The following BMERB1 variants were observed in gnomAD, a reference collection of about 807,000 sequenced individuals.
The protein encoded by BMERB1 is bMERB domain-containing protein 1.
A neutral mutation model predicts 23.6 loss-of-function variants in BMERB1; 12 were observed. The ratio of observed to expected loss-of-function variants is 0.51; its 90% CI spans 0.33 to 0.82. The LOEUF (loss-of-function observed/expected upper bound fraction) is 0.82, where lower values mean the gene tolerates loss of function less well. BMERB1 is among the 40% of genes least tolerant of loss of function. BMERB1 has a pLI of 0.03. For synonymous variants in BMERB1, 122 were observed against 96.6 expected, an observed-to-expected ratio of 1.26 and a Z score of -1.54; for missense variants, 247 against 255.4, an observed-to-expected ratio of 0.97 and a Z score of 0.22.
chr16:15,496,653 C>T (rs1567469248), intron 1 of BMERB1, among the ~76,000 whole-genome samples: 1 of 152,080 alleles, frequency 6.6e-6, no homozygotes, highest in Non-Finnish European at 1.5e-5. Flanking sequence ...ATTCTCCTGC[C>T]TCAGCCTCCC....
chr16:15,444,394 G>A (rs749083115), intron 1 of BMERB1, among the ~76,000 whole-genome samples: 27 of 151,942 alleles, frequency 1.8e-4, no homozygotes, highest in Non-Finnish European at 2.6e-4. Context: ...TAAGAATTCC[G>A]TCCTACTGTG....
At chr16:15,532,664 G>A (rs979347033) in intron 2 of BMERB1, among the ~76,000 whole-genome samples, 1 of 148,812 alleles carries the variant, frequency 6.7e-6, no homozygotes, top group East Asian at 2.0e-4. Flanking sequence ...GCCTGCCTCA[G>A]CCTCCCAAGT....
intron 1 of BMERB1, chr16:15,502,197 G>A (rs972523844): frequency 1.2e-5 from 15 of 1,217,868 alleles, no homozygotes; most frequent in South Asian, 5.4e-5. Flanking sequence ...CCTTTGACAC[G>A]TCAGATGTGG....
chr16:15,464,083 C>G (rs1470217002), intron 1 of BMERB1, among the ~76,000 whole-genome samples: 1 of 151,942 alleles, frequency 6.6e-6, no homozygotes, highest in Non-Finnish European at 1.5e-5. Context: ...GAGGCCGAGG[C>G]GGGCAGATCA....
intron 2 of BMERB1, among the ~76,000 whole-genome samples, chr16:15,529,278 G>A (rs1315143844): frequency 1.3e-5 from 2 of 152,020 alleles, no homozygotes; most frequent in African/African-American, 4.8e-5. Context: ...CGCCTGCCTC[G>A]GCCTCCCAAC....
At chr16:15,446,811 G>C (rs1488412852) in intron 1 of BMERB1, among the ~76,000 whole-genome samples, 3 of 152,136 alleles carry the variant, frequency 2.0e-5, no homozygotes, top group Non-Finnish European at 4.4e-5. Context: ...GTAAGCTTGA[G>C]GACTACATCT....
chr16:15,587,444 A>T lies in BMERB1; in HGVS notation c.*615A>T. On this transcript the variant is annotated 3_prime_UTR_variant, in exon 6 of 6. Transcript: ENST00000300006. ...GTGGTCACATCTCCCGCTTCCCCCC[A>T]TCCTGTGTCTGGGCACAGTTCACAT... is the stretch of plus-strand genomic sequence containing the variant. 6.2e-6 allele frequency: 2 copies of T among 324,430 alleles called. 1 individual carries two copies. Among genetic ancestry groups the T allele is most frequent in the South Asian group, 4.4e-5 (2 of 45,038 alleles). The allele number at this position is 324,430 out of a possible 1,614,324, so 20.1% of individuals were successfully genotyped here.
chr16:15,492,613 C>T (rs1251972402), intron 1 of BMERB1, among the ~76,000 whole-genome samples: 2 of 152,118 alleles, frequency 1.3e-5, no homozygotes, highest in South Asian at 2.1e-4. Context: ...GGATGTACCA[C>T]GGATGTGAAG....
At chr16:15,476,399 G>A (rs1476709047) in intron 1 of BMERB1, among the ~76,000 whole-genome samples, 1 of 152,114 alleles carries the variant, frequency 6.6e-6, no homozygotes, top group African/African-American at 2.4e-5. Flanking sequence ...CTTACCTCAG[G>A]CAATTCACCC....
chr16:15,558,088 G>T (rs1216666459), intron 2 of BMERB1, among the ~76,000 whole-genome samples: 1 of 152,080 alleles, frequency 6.6e-6, no homozygotes, highest in Non-Finnish European at 1.5e-5. Flanking sequence ...CCAGATGCAG[G>T]TGGCCCGAGG....
intron 1 of BMERB1, among the ~76,000 whole-genome samples, chr16:15,470,626 A>G (rs2051220900): frequency 6.6e-6 from 1 of 151,416 alleles, no homozygotes; most frequent in Non-Finnish European, 1.5e-5. Flanking sequence ...CTCAGGTTCA[A>G]GCGATTCCCC....
intron 2 of BMERB1, among the ~76,000 whole-genome samples, chr16:15,562,316 A>T (rs538704790): frequency 2.6e-5 from 4 of 151,786 alleles, no homozygotes; most frequent in East Asian, 1.9e-4. Context: ...AAAAAAAAAA[A>T]AAAACATAAA....
rs1039094209 is a variant in BMERB1 at position 15,477,155 on chromosome 16, C to A, written c.107-38150C>A. Among the ~76,000 whole-genome samples, 54 of 152,092 alleles carry A rather than the reference C, an allele frequency of 3.6e-4. 2 individuals carry two copies. The highest frequency in any genetic ancestry group is 5.9e-5 in the Non-Finnish European group (4 of 68,028). On this transcript the variant is annotated intron_variant, in intron 1 of 5. Coordinates refer to ENST00000300006, the MANE Select transcript of BMERB1 (RefSeq NM_033201.3). ...ATAAAGAAAAGAGGTTCAGTTGACT[C>A]ACCCTTCCACATGTCTGGGGAGGCC... is the stretch of plus-strand genomic sequence containing the variant.
At chr16:15,506,729 A>C (rs1471052577) in intron 1 of BMERB1, among the ~76,000 whole-genome samples, 2 of 151,886 alleles carry the variant, frequency 1.3e-5, no homozygotes, top group Non-Finnish European at 2.9e-5. Flanking sequence ...GATGTATCAC[A>C]ATGTAACACA....
intron 2 of BMERB1, among the ~76,000 whole-genome samples, chr16:15,556,061 C>T (rs141167542): frequency 6.6e-6 from 1 of 152,080 alleles, no homozygotes; most frequent in Non-Finnish European, 1.5e-5. Context: ...TGCCTGTTAT[C>T]TCAGCTACTT....
At chr16:15,572,875 C>G (rs1203923681) in intron 3 of BMERB1, among the ~76,000 whole-genome samples, 3 of 152,138 alleles carry the variant, frequency 2.0e-5, no homozygotes, top group Non-Finnish European at 4.4e-5. Flanking sequence ...GTGAAGAAGT[C>G]TCATGAGAGC....
intron 2 of BMERB1, among the ~76,000 whole-genome samples, chr16:15,566,707 G>T (rs1325555792): frequency 1.3e-5 from 2 of 151,890 alleles, no homozygotes. Flanking sequence ...AAAAATAGAT[G>T]ACTGTATATC....
intron 2 of BMERB1, among the ~76,000 whole-genome samples, chr16:15,531,765 G>C (rs1217588827): frequency 2.0e-5 from 3 of 152,202 alleles, no homozygotes; most frequent in Non-Finnish European, 2.9e-5. Context: ...TTTCTGGAAA[G>C]CTGCTGATGT....
intron 1 of BMERB1, among the ~76,000 whole-genome samples, chr16:15,456,846 T>G (rs1488269548): frequency 6.6e-6 from 1 of 152,084 alleles, no homozygotes; most frequent in Non-Finnish European, 1.5e-5. Context: ...TTTTTTTTGA[T>G]GCGGAATCTC....
Sources: allele counts gnomAD v4.1 joint callset (sites outside exome capture counted in the v4.1 genomes callset), GRCh38; gene constraint gnomAD v4.1.1; transcripts MANE v1.5; gene names NCBI Gene and HGNC (gene_info 2026-07-23, HGNC 2026-07-21).